The following POPDC1 variants were observed in gnomAD, a reference collection of about 807,000 sequenced individuals.
POPDC1 encodes popeye domain-containing protein 1.
the POPDC1 span, among the ~76,000 whole-genome samples, chr6:105,109,195 T>C: frequency 6.6e-6 from 1 of 152,070 alleles, no homozygotes; most frequent in Non-Finnish European, 1.5e-5. Context: ...TGGGCTTAAG[T>C]GATTTGCCCG....
chr6:105,129,165 G>T, the POPDC1 span, among the ~76,000 whole-genome samples: 4 of 152,188 alleles, frequency 2.6e-5, no homozygotes, highest in East Asian at 5.8e-4. Context: ...ATATGCTAAT[G>T]ATTTTTAAAG....
chr6:105,134,581 C>T, the POPDC1 span, among the ~76,000 whole-genome samples: 1 of 152,046 alleles, frequency 6.6e-6, no homozygotes, highest in Non-Finnish European at 1.5e-5. Flanking sequence ...TAAGGTCATG[C>T]AATTAATCTT....
chr6:105,127,588 T>C, the POPDC1 span, among the ~76,000 whole-genome samples: 2 of 151,538 alleles, frequency 1.3e-5, no homozygotes, highest in African/African-American at 4.9e-5. Flanking sequence ...TACAGGTGTG[T>C]GCTACCGCAT....
the POPDC1 span, among the ~76,000 whole-genome samples, chr6:105,119,185 A>G: frequency 8.1e-4 from 3 of 3,714 alleles, no homozygotes; most frequent in African/African-American, 1.4e-3. Flanking sequence ...ACTCCCTCTC[A>G]AAAAAAAAAA....
the POPDC1 span, chr6:105,133,501 G>A: frequency 9.4e-5 from 151 of 1,613,830 alleles, 1 homozygote; most frequent in East Asian, 3.3e-3. Context: ...GGAAGGCACA[G>A]GTATGATACT....
chr6:105,126,335 G>C, the POPDC1 span, among the ~76,000 whole-genome samples: 2 of 151,892 alleles, frequency 1.3e-5, no homozygotes, highest in African/African-American at 4.8e-5. Context: ...GGGAGGCTGA[G>C]GTGGGAGGAT....
chr6:105,110,179 G>C, the POPDC1 span, among the ~76,000 whole-genome samples: 3 of 152,188 alleles, frequency 2.0e-5, no homozygotes, highest in Admixed American at 6.5e-5. Context: ...CTCGTAGGGT[G>C]GTTGTGAGGA....
chr6:105,116,889 CA>C, the POPDC1 span: 21 of 1,606,000 alleles, frequency 1.3e-5, no homozygotes, highest in African/African-American at 2.7e-5. Flanking sequence ...AACAAGCATG[CA>C]AAGAATAAAG....
chr6:105,109,363 G>A, the POPDC1 span, among the ~76,000 whole-genome samples: 1 of 152,118 alleles, frequency 6.6e-6, no homozygotes. Flanking sequence ...AAAAACTAGT[G>A]ACTTCATCAT....
the POPDC1 span, among the ~76,000 whole-genome samples, chr6:105,128,020 G>A: frequency 2.0e-5 from 3 of 152,160 alleles, no homozygotes; most frequent in African/African-American, 7.2e-5. Context: ...TCGGCTTCCC[G>A]AAGTGTTGGG....
At chr6:105,111,050 CTCTCT>C in the POPDC1 span, among the ~76,000 whole-genome samples, 1 of 152,134 alleles carries the variant, frequency 6.6e-6, no homozygotes, top group Non-Finnish European at 1.5e-5. Flanking sequence ...TAAGAAACAT[CTCTCT>C]AAAGATCTCA....
chr6:105,106,705 T>C, the POPDC1 span, among the ~76,000 whole-genome samples: 1 of 152,142 alleles, frequency 6.6e-6, no homozygotes, highest in Non-Finnish European at 1.5e-5. Flanking sequence ...AAACAAAACA[T>C]TGACCTCCAT....
the POPDC1 span, among the ~76,000 whole-genome samples, chr6:105,133,071 T>C: frequency 2.0e-5 from 3 of 152,168 alleles, no homozygotes; most frequent in African/African-American, 4.8e-5. Context: ...ATCACACAAT[T>C]TGGCTTTAAA....
chr6:105,106,885 C>G, the POPDC1 span, among the ~76,000 whole-genome samples: 2 of 152,094 alleles, frequency 1.3e-5, no homozygotes, highest in Non-Finnish European at 2.9e-5. Flanking sequence ...AGGAATGCAA[C>G]GTGAAATGAT....
the POPDC1 span, among the ~76,000 whole-genome samples, chr6:105,132,655 A>C: frequency 2.0e-5 from 3 of 152,262 alleles, no homozygotes; most frequent in Non-Finnish European, 4.4e-5. Context: ...TCAGGGAAAT[A>C]ATCACATAGA....
chr6:105,119,342 T>G, the POPDC1 span, among the ~76,000 whole-genome samples: 2 of 152,202 alleles, frequency 1.3e-5, no homozygotes, highest in Non-Finnish European at 2.9e-5. Flanking sequence ...AGGTTGGCTG[T>G]GCAGTCCATC....
At chr6:105,102,996 T>C in the POPDC1 span, among the ~76,000 whole-genome samples, 1 of 152,232 alleles carries the variant, frequency 6.6e-6, no homozygotes, top group Non-Finnish European at 1.5e-5. Context: ...AAGAACCCAA[T>C]TCTGCACAGG....
At chr6:105,098,840 T>G in the POPDC1 span, 2 of 152,228 alleles carry the variant, frequency 1.3e-5, no homozygotes, top group African/African-American at 4.8e-5. Flanking sequence ...TTTAGCTACC[T>G]GAAGAGACTG....
the POPDC1 span, chr6:105,133,299 C>T: frequency 7.0e-7 from 1 of 1,425,500 alleles, no homozygotes; most frequent in Non-Finnish European, 9.7e-7. Flanking sequence ...ATGTAAAGCC[C>T]ATCTTATGTC....
Sources: allele counts gnomAD v4.1 joint callset (sites outside exome capture counted in the v4.1 genomes callset), GRCh38; gene constraint gnomAD v4.1.1; transcripts MANE v1.5; gene names NCBI Gene and HGNC (gene_info 2026-07-23, HGNC 2026-07-21).